The following KCNT1 variants were observed in gnomAD, a reference collection of about 807,000 sequenced individuals.
KCNT1 encodes the protein potassium sodium-activated channel subfamily T member 1, also known as potassium channel subfamily T member 1.
In KCNT1, 78 loss-of-function variants were observed where a neutral mutation model predicts 147.8. The observed-to-expected ratio is 0.53, with a 90% CI of 0.44 to 0.64. The LOEUF is 0.64. Among genes scored for constraint, KCNT1 ranks in the 30% least tolerant of loss-of-function variants. The pLI is 0.00. For synonymous variants in KCNT1, 867 were observed against 748.8 expected (o/e 1.16, Z -2.58); for missense variants, 1,419 against 1,750.3 (o/e 0.81, Z 3.38).
chr9:135,763,100 C>T (rs898154620), intron 11 of KCNT1, among the ~76,000 whole-genome samples: 4 of 152,220 alleles, frequency 2.6e-5, no homozygotes, highest in Non-Finnish European at 5.9e-5. Flanking sequence ...TGGGGGCTGG[C>T]GCACCCTCCC....
In KCNT1 at chr9:135,772,951, T is replaced by G. The variant is rs1425055521; in HGVS notation, c.2243+2T>G. The G allele has an allele frequency of 6.8e-7, 1 of 1,471,282 alleles. No individual in the cohort carries two copies. The highest frequency in any genetic ancestry group is 9.0e-7 in the Non-Finnish European group (1 of 1,112,204). The allele number at this position is 1,471,282 out of a possible 1,614,324, so 91.1% of individuals were successfully genotyped here. A position where few individuals can be genotyped will look rare whatever the true frequency, so the allele number is the denominator to read the frequency against. On this transcript the variant is annotated splice_donor_variant, in intron 19 of 30. Transcript: ENST00000371757. LOFTEE classifies it high-confidence loss of function. ...CGACGAGGGGCTCTCCGTGGTAGAG[T>G]GAGTGCTGCCTTGGAGACGGCTCCC...
intron 2 of KCNT1, among the ~76,000 whole-genome samples, chr9:135,720,767 G>A (rs1021792170): frequency 5.7e-4 from 87 of 152,282 alleles, no homozygotes; most frequent in African/African-American, 2.0e-3. Context: ...GAGTTTCTGC[G>A]TGAAGGCGTG....
chr9:135,743,183 G>T (rs542392332), intron 2 of KCNT1, among the ~76,000 whole-genome samples: 1 of 152,068 alleles, frequency 6.6e-6, no homozygotes, highest in Non-Finnish European at 1.5e-5. Context: ...TGCCTGTGCC[G>T]GTCGAGCTCC....
intron 2 of KCNT1, among the ~76,000 whole-genome samples, chr9:135,743,485 G>T (rs1381229366): frequency 1.3e-5 from 2 of 152,134 alleles, no homozygotes; most frequent in Non-Finnish European, 2.9e-5. Flanking sequence ...CGGCACCCAT[G>T]GTGGGACCTA....
intron 2 of KCNT1, among the ~76,000 whole-genome samples, chr9:135,729,308 G>A (rs566957239): frequency 6.6e-6 from 1 of 152,362 alleles, no homozygotes; most frequent in African/African-American, 2.4e-5. Flanking sequence ...GAGGGCATAT[G>A]CCAAGGAAGG....
intron 1 of KCNT1, among the ~76,000 whole-genome samples, chr9:135,710,186 T>C (rs1210095200): frequency 1.3e-5 from 2 of 152,184 alleles, no homozygotes; most frequent in Non-Finnish European, 2.9e-5. Flanking sequence ...GATTTTTGGG[T>C]TTCGTGTATT....
intron 30 of KCNT1, 70 bp downstream of exon 30, chr9:135,791,951 A>G: frequency 6.2e-7 from 1 of 1,610,962 alleles, no homozygotes. Context: ...AGATGAGGCC[A>G]CAGGCACCAC....
intron 1 of KCNT1, among the ~76,000 whole-genome samples, chr9:135,703,390 G>A (rs1443704467): frequency 6.6e-6 from 1 of 152,238 alleles, no homozygotes; most frequent in South Asian, 2.1e-4. Flanking sequence ...AAATGAGGAG[G>A]TAGGGCGGAT....
At chr9:135,789,779 G>A (rs1425108576) in intron 29 of KCNT1, 2 of 152,154 alleles carry the variant, frequency 1.3e-5, no homozygotes, top group Non-Finnish European at 2.9e-5. Context: ...GGGACCAGGG[G>A]CGAGGTGGCC....
chr9:135,728,485 C>G (rs1032209884), intron 2 of KCNT1, among the ~76,000 whole-genome samples: 2 of 152,218 alleles, frequency 1.3e-5, no homozygotes, highest in Admixed American at 1.3e-4. Flanking sequence ...CCACGGCCTG[C>G]CTGGGAAAAG....
At chr9:135,787,925 C>T (rs1036055241) in intron 29 of KCNT1, among the ~76,000 whole-genome samples, 1 of 152,232 alleles carries the variant, frequency 6.6e-6, no homozygotes, top group African/African-American at 2.4e-5. Context: ...CTGCCTGCCC[C>T]CAGAGCTTGG....
intron 1 of KCNT1, among the ~76,000 whole-genome samples, chr9:135,709,443 G>A (rs1470959024): frequency 1.3e-5 from 2 of 152,142 alleles, no homozygotes; most frequent in Non-Finnish European, 2.9e-5. Context: ...ATGTCCCCAG[G>A]TAGAGGTTCC....
intron 1 of KCNT1, among the ~76,000 whole-genome samples, chr9:135,710,350 G>A (rs1299615938): frequency 1.3e-5 from 2 of 152,150 alleles, no homozygotes; most frequent in Non-Finnish European, 2.9e-5. Context: ...TTCAAGCACC[G>A]GCCCTCCCAA....
intron 29 of KCNT1, chr9:135,788,063 C>G (rs1834208777): frequency 1.3e-6 from 2 of 1,500,134 alleles, no homozygotes; most frequent in Non-Finnish European, 9.3e-7. Context: ...CTCTCTCTCT[C>G]TCTTTCTGTC....
At chr9:135,769,609 G>A (rs1256828640) in intron 15 of KCNT1, among the ~76,000 whole-genome samples, 1 of 152,180 alleles carries the variant, frequency 6.6e-6, no homozygotes, top group Non-Finnish European at 1.5e-5. Context: ...GGGTGCCCGG[G>A]GAACGGGGGG....
rs1269128737 is a variant in KCNT1, at chr9:135,714,840, A to C, written c.254+120A>C. ...CCCCCGCAGCCGCCGGCGCCCTTCA[A>C]CTTTTCCCGGCTTCTGGGGACGCAG... On this transcript the variant is annotated intron_variant, in intron 2 of 30. Transcript: ENST00000371757. The surrounding 1 kb of genome is among the most constrained non-coding windows in gnomAD (Gnocchi z 6.2). 4 of 684,476 alleles carry C rather than the reference A, an allele frequency of 5.8e-6. No individual in the cohort carries two copies. The highest frequency in any genetic ancestry group is 7.6e-6 in the Non-Finnish European group (4 of 526,020). 42.4% of individuals were successfully genotyped at this position (684,476 alleles called of 1,614,324 possible). A position where few individuals can be genotyped will look rare whatever the true frequency, so the allele number is the denominator to read the frequency against.
intron 11 of KCNT1, among the ~76,000 whole-genome samples, chr9:135,764,776 C>T (rs1001295564): frequency 7.9e-5 from 12 of 152,206 alleles, no homozygotes; most frequent in Non-Finnish European, 1.6e-4. Flanking sequence ...GTTTACTCCA[C>T]AGTCTCCAGC....
intron 3 of KCNT1, 42 bp downstream of exon 3, chr9:135,750,219 G>A: frequency 6.5e-7 from 1 of 1,535,704 alleles, no homozygotes; most frequent in South Asian, 1.1e-5. Context: ...GCAGGGAGGT[G>A]TTGAGGGCGC....
At chr9:135,731,626 C>T (rs917370947) in intron 2 of KCNT1, among the ~76,000 whole-genome samples, 8 of 152,096 alleles carry the variant, frequency 5.3e-5, no homozygotes, top group African/African-American at 1.4e-4. Flanking sequence ...TGGAGGACAT[C>T]GCCCCTGTGT....
Sources: allele counts gnomAD v4.1 joint callset (sites outside exome capture counted in the v4.1 genomes callset), GRCh38; gene constraint gnomAD v4.1.1; non-coding constraint Gnocchi (gnomAD v3.1); transcripts MANE v1.5; gene names NCBI Gene and HGNC (gene_info 2026-07-23, HGNC 2026-07-21).